Variants in BRIP1 observed in about 807,000 individuals in gnomAD.
The protein encoded by BRIP1 is BRCA1 interacting DNA helicase 1.
BRIP1 carries 88 observed loss-of-function variants against 119.7 expected under a neutral mutation model. The ratio of observed to expected loss-of-function variants is 0.74; its 90% CI spans 0.62 to 0.88. The LOEUF (loss-of-function observed/expected upper bound fraction) is 0.88, where lower values mean the gene tolerates loss of function less well. Ranked by LOEUF, BRIP1 falls within the 40% of genes least tolerant of loss-of-function variation. The probability of loss-of-function intolerance (pLI) is 0.00; values close to 1 mark genes in which losing one functional copy is unlikely to be tolerated. For synonymous variants in BRIP1, 443 were observed against 496.5 expected (o/e 0.89, Z 1.43); for missense variants, 1,259 against 1,455.4 (o/e 0.87, Z 2.20).
chr17:61,859,256 A>C (rs1413980984), intron 3 of BRIP1, among the ~76,000 whole-genome samples: 1 of 152,142 alleles, frequency 6.6e-6, no homozygotes, highest in Non-Finnish European at 1.5e-5. Flanking sequence ...CAAAAAAAGC[A>C]ATTAGTATGT....
chr17:61,797,247 C>G (rs2077914185), intron 9 of BRIP1, among the ~76,000 whole-genome samples: 1 of 151,630 alleles, frequency 6.6e-6, no homozygotes, highest in Non-Finnish European at 1.5e-5. Context: ...CCAAGTAAGT[C>G]CTGAGGCACC....
At chr17:61,812,438 T>C (rs2078176973) in intron 6 of BRIP1, among the ~76,000 whole-genome samples, 1 of 152,074 alleles carries the variant, frequency 6.6e-6, no homozygotes, top group East Asian at 1.9e-4. Context: ...GACATGGGGC[T>C]TTCCAAAATC....
chr17:61,791,991 C>T (rs1365423528), intron 10 of BRIP1, among the ~76,000 whole-genome samples: 1 of 152,194 alleles, frequency 6.6e-6, no homozygotes, highest in Non-Finnish European at 1.5e-5. Flanking sequence ...AAGCAGAGTC[C>T]TCAGCCCCAA....
chr17:61,830,140 G>A (rs565472384), intron 6 of BRIP1, among the ~76,000 whole-genome samples: 1 of 151,468 alleles, frequency 6.6e-6, no homozygotes, highest in African/African-American at 2.4e-5. Context: ...TGCCACGTTG[G>A]CCAGCCTGGT....
Position 61,860,371 on chromosome 17 carries a change from C to A in BRIP1, c.94-464G>T, listed in dbSNP as rs997190127. ...TCCCACATGAACACAAGGAAACATG[C>A]ATAAGAAAGTTCACAGCAGCAGCCA... On this transcript the variant is annotated intron_variant, in intron 2 of 19. Coordinates refer to ENST00000259008, the MANE Select transcript of BRIP1 (RefSeq NM_032043.3). This position sits in a 1 kb window ranked among gnomAD's most constrained non-coding sequence, Gnocchi z 4.1. 6.6e-6 allele frequency among the ~76,000 whole-genome samples: 1 copy of A among 152,154 alleles called. No homozygotes were observed. Among genetic ancestry groups the A allele is most frequent in the African/African-American group, 2.4e-5 (1 of 41,432 alleles).
At chr17:61,779,542 C>A (rs966193290) in intron 13 of BRIP1, among the ~76,000 whole-genome samples, 11 of 152,186 alleles carry the variant, frequency 7.2e-5, no homozygotes, top group African/African-American at 2.4e-4. Flanking sequence ...ACCGCTGGAA[C>A]CCAGGAGGCG....
chr17:61,820,094 G>A (rs12453935), intron 6 of BRIP1, among the ~76,000 whole-genome samples: 27,442 of 151,234 alleles, frequency 0.18, 3,004 homozygotes, highest in Admixed American at 0.33. Flanking sequence ...AATCTGTGGG[G>A]GAAATTATTC....
intron 14 of BRIP1, among the ~76,000 whole-genome samples, chr17:61,765,791 A>T (rs1426684654): frequency 6.8e-6 from 1 of 148,114 alleles, no homozygotes; most frequent in Non-Finnish European, 1.5e-5. Flanking sequence ...AAATATATTC[A>T]TGTTATTTAT....
rs1555572525 is a variant in BRIP1, at chr17:61,683,471, T to A, written c.3575A>T (p.Asp1192Val). 1 of 1,613,540 alleles carries A rather than the reference T, an allele frequency of 6.2e-7. No homozygotes were observed. Among genetic ancestry groups the A allele is most frequent in the Non-Finnish European group, 8.5e-7 (1 of 1,179,712 alleles). Reference protein sequence around the residue: ...AREVKAEDCIDTKLNGILHIE... With the variant: ...AREVKAEDCIVTKLNGILHIE... Reference sequence around the variant, plus strand: ...ATGCAGAATTCCATTCAACTTTGTATCTATGCAATCCTCAGCTTTCACTTC... The same window carrying A: ...ATGCAGAATTCCATTCAACTTTGTAACTATGCAATCCTCAGCTTTCACTTC... The change falls in exon 20 of 20, where the codon GAT becomes GTT. Residue 1192 changes from aspartate to valine, a missense_variant. Physicochemically the swap from Asp to Val is radical, Grantham distance 152 (BLOSUM62 -3). Transcript: ENST00000259008. This position sits in a 1 kb window ranked among gnomAD's most constrained non-coding sequence, Gnocchi z 4.7.
intron 18 of BRIP1, among the ~76,000 whole-genome samples, chr17:61,688,802 A>G (rs2061400360): frequency 6.6e-6 from 1 of 151,948 alleles, no homozygotes; most frequent in Non-Finnish European, 1.5e-5. Context: ...AATTTAAAAT[A>G]ACTGTCAACA....
chr17:61,683,831 G>A lies in BRIP1; in HGVS notation c.3215C>T (p.Thr1072Ile), dbSNP rs786204068. 2.5e-6 allele frequency: 4 copies of A among 1,613,998 alleles called. No individual in the cohort carries two copies. The East Asian group carries it at 8.9e-5, about 36-fold the overall frequency. ...ATCAATCTTTAATGATGAAATAATG[G>A]TTTCTGATTGAGGGCATGATCCAAA... ...TSFGSCPQSE[T>I]IISSLKIDAT... Residue 1072 changes from threonine (T) to isoleucine (I), a missense_variant, in exon 20 of 20, where the codon ACC becomes ATC. Physicochemically the swap from Thr to Ile is moderately conservative, Grantham distance 89. This residue lies in a region of BRIP1 where 753 missense variants were observed against 891.8 expected (regional missense o/e 0.84). Coordinates refer to ENST00000259008, the MANE Select transcript of BRIP1 (RefSeq NM_032043.3). This position sits in a 1 kb window ranked among gnomAD's most constrained non-coding sequence, Gnocchi z 4.7.
chr17:61,711,887 A>C (rs780011319), intron 17 of BRIP1, among the ~76,000 whole-genome samples: 11 of 151,806 alleles, frequency 7.2e-5, no homozygotes. Context: ...AATAATAATA[A>C]TAAAAACAAA....
chr17:61,777,139 T>C (rs1221472661), intron 13 of BRIP1, among the ~76,000 whole-genome samples: 1 of 152,228 alleles, frequency 6.6e-6, no homozygotes, highest in Admixed American at 6.5e-5. Flanking sequence ...GTGATGAATC[T>C]AGGTGAAGGA....
At chr17:61,847,320 A>T in intron 5 of BRIP1, 100 bp from the exon 6 acceptor site, 1 of 1,340,266 alleles carries the variant, frequency 7.5e-7, no homozygotes, top group Non-Finnish European at 1.1e-6. Flanking sequence ...TTTTTCCTGC[A>T]TCCAAAAAAA....
chr17:61,754,699 G>A lies in BRIP1; in HGVS notation c.2098-10108C>T, dbSNP rs2077176616. Among the ~76,000 whole-genome samples, 1 of 152,166 alleles carries A rather than the reference G, an allele frequency of 6.6e-6. No individual in the cohort carries two copies. Among genetic ancestry groups the A allele is most frequent in the Non-Finnish European group, 1.5e-5 (1 of 68,032 alleles). ...CTTGGCTATGAAGTCCAAGATAAAG[G>A]TGCCTGTTAACTTGATTTCTGGTTA... is the stretch of plus-strand genomic sequence containing the variant. On this transcript the variant is annotated intron_variant, in intron 14 of 19. Transcript: ENST00000259008. This position sits in a 1 kb window ranked among gnomAD's most constrained non-coding sequence, Gnocchi z 4.1.
At position 61,722,230 on chromosome 17, in the gene BRIP1, A is replaced by G. The variant is rs1435964914; in HGVS notation, c.2380-6167T>C. On this transcript the variant is annotated intron_variant, in intron 16 of 19. Transcript: ENST00000259008. This position sits in a 1 kb window ranked among gnomAD's most constrained non-coding sequence, Gnocchi z 4.6. ...CTATTCTTTTGTATTTTTAGTAGAGAGGGGGGTTTCACTGTGTTAGCCAGG... is the reference window on the plus strand; with the variant it reads ...CTATTCTTTTGTATTTTTAGTAGAGGGGGGGGTTTCACTGTGTTAGCCAGG... Among the ~76,000 whole-genome samples, 1 of 151,684 alleles carries G rather than the reference A, an allele frequency of 6.6e-6. No individual in the cohort carries two copies. The highest frequency in any genetic ancestry group is 1.5e-5 in the Non-Finnish European group (1 of 67,892).
chr17:61,776,174 G>A lies in BRIP1; in HGVS notation c.2097+227C>T, dbSNP rs907763587. The A allele has an allele frequency of 2.5e-5, 13 of 515,918 alleles. No homozygotes were observed. Among genetic ancestry groups the A allele is most frequent in the South Asian group, 1.3e-4 (6 of 47,414 alleles). 32.0% of individuals were successfully genotyped at this position (515,918 alleles called of 1,614,324 possible). A position where few individuals can be genotyped will look rare whatever the true frequency, so the allele number is the denominator to read the frequency against. On this transcript the variant is annotated intron_variant, in intron 14 of 19. Coordinates refer to ENST00000259008, the MANE Select transcript of BRIP1 (RefSeq NM_032043.3). The surrounding 1 kb of genome is among the most constrained non-coding windows in gnomAD (Gnocchi z 5.0). ...TGGGATTACAAGCATGAGCCACCAC[G>A]TCCAGCCTTGCTCTTTCAGACTTTT...
rs1029551261 is a variant in BRIP1, at chr17:61,754,790, A to C, written c.2098-10199T>G. ...CTCACATGGCCTTTCCTCTCTATTC[A>C]GAGAGGAACAGGGAGAGAGAGCAAT... On this transcript the variant is annotated intron_variant, in intron 14 of 19. Coordinates refer to ENST00000259008, the MANE Select transcript of BRIP1 (RefSeq NM_032043.3). This position sits in a 1 kb window ranked among gnomAD's most constrained non-coding sequence, Gnocchi z 4.1. 1.2e-4 allele frequency among the ~76,000 whole-genome samples: 18 copies of C among 152,138 alleles called. No homozygotes were observed. The highest frequency in any genetic ancestry group is 4.3e-4 in the African/African-American group (18 of 41,492).
At position 61,729,931 on chromosome 17, in the gene BRIP1, G is replaced by T. The variant is rs2076821759; in HGVS notation, c.2379+13082C>A. ...GCTAGAGATGCTGTTAAACATCCTGGAATGCACAGGACACTCCTCGGAACA... is the reference window on the plus strand; with the variant it reads ...GCTAGAGATGCTGTTAAACATCCTGTAATGCACAGGACACTCCTCGGAACA... On this transcript the variant is annotated intron_variant, in intron 16 of 19. Coordinates refer to ENST00000259008, the MANE Select transcript of BRIP1 (RefSeq NM_032043.3). The surrounding 1 kb of genome is among the most constrained non-coding windows in gnomAD (Gnocchi z 5.6). Among the ~76,000 whole-genome samples the T allele has an allele frequency of 6.6e-6, 1 of 152,094 alleles. No individual in the cohort carries two copies. The highest frequency in any genetic ancestry group is 2.4e-5 in the African/African-American group (1 of 41,408).
Sources: gnomAD v4.1 joint callset for allele counts (sites outside exome capture counted in the v4.1 genomes callset) on GRCh38, gnomAD v4.1.1 for gene constraint, gnomAD v4.1.1 regional missense constraint, Gnocchi (gnomAD v3.1) non-coding constraint, MANE v1.5 for transcripts, NCBI Gene and HGNC (gene_info 2026-07-23, HGNC 2026-07-21) for gene names.